The following RFX4 variants were observed in gnomAD, a reference collection of about 807,000 sequenced individuals.
RFX4 encodes transcription factor RFX4.
In RFX4, 10 loss-of-function variants were observed where a neutral mutation model predicts 95.0. The ratio of observed to expected loss-of-function variants is 0.11; its 90% confidence interval spans 0.06 to 0.18. The LOEUF (loss-of-function observed/expected upper bound fraction) is 0.18. Among genes scored for constraint, RFX4 ranks in the 10% least tolerant of loss-of-function variants. RFX4 has a pLI of 1.00. For synonymous variants in RFX4, 321 were observed against 340.7 expected (o/e 0.94, Z 0.64); for missense variants, 640 against 922.0 (o/e 0.69, Z 3.96).
In RFX4 at chr12:106,619,229, C is replaced by A. The variant is rs867626586; in HGVS notation, c.130+10346C>A. ...ATGCTTCCATCTGGAATCATTTTTT[C>A]TTTAACTCAGATAAATTCCTTGCAG... On this transcript the variant is annotated intron_variant, in intron 2 of 17. Coordinates refer to ENST00000392842, the MANE Select transcript of RFX4 (RefSeq NM_213594.3). Among the ~76,000 whole-genome samples the A allele has an allele frequency of 2.6e-5, 4 of 152,224 alleles. No homozygotes were observed. In the South Asian group the frequency reaches 6.2e-4, roughly 24 times the overall value.
At position 106,752,843 on chromosome 12, in the gene RFX4, C is replaced by T. The variant is rs192876391; in HGVS notation, c.1935+2050C>T. On this transcript the variant is annotated intron_variant, in intron 17 of 17. Coordinates refer to ENST00000392842, the MANE Select transcript of RFX4 (RefSeq NM_213594.3). ...CACTTGGCTGCATTTGGGAAACCAC[C>T]GCTGGACACTCTACCTGTCTAACAC... Among the ~76,000 whole-genome samples the T allele has an allele frequency of 1.1e-4, 17 of 152,156 alleles. No individual in the cohort carries two copies. The East Asian group carries it at 2.3e-3, about 21-fold the overall frequency.
At chr12:106,733,803 C>T (rs913906107) in intron 15 of RFX4, among the ~76,000 whole-genome samples, 2 of 152,190 alleles carry the variant, frequency 1.3e-5, no homozygotes, top group Non-Finnish European at 2.9e-5. Context: ...GATTAATTTA[C>T]AACCAAGAAT....
At chr12:106,605,924 C>T (rs2039822319) in intron 1 of RFX4, among the ~76,000 whole-genome samples, 1 of 152,148 alleles carries the variant, frequency 6.6e-6, no homozygotes, top group Non-Finnish European at 1.5e-5. Flanking sequence ...GCACCTCCCA[C>T]CCTCTCCCAC....
intron 8 of RFX4, among the ~76,000 whole-genome samples, chr12:106,703,050 GC>G (rs2042021472): frequency 6.6e-6 from 1 of 152,050 alleles, no homozygotes; most frequent in Admixed American, 6.6e-5. Context: ...GTTCATATTG[GC>G]CCATTAGCAA....
rs138024875 is a variant in RFX4, at chr12:106,753,224, C to T, written c.1935+2431C>T. ...CCTCCCTCCCCGCAGCCATGCCAGCCCACATGTGGTTGTCTTGGATGTGCC... is the reference window on the plus strand; with the variant it reads ...CCTCCCTCCCCGCAGCCATGCCAGCTCACATGTGGTTGTCTTGGATGTGCC... On this transcript the variant is annotated intron_variant, in intron 17 of 17. Transcript: ENST00000392842. Among the ~76,000 whole-genome samples, 19 of 152,272 alleles carry T rather than the reference C, an allele frequency of 1.2e-4. No individual in the cohort carries two copies. In the East Asian group the frequency reaches 3.5e-3, roughly 28 times the overall value.
At chr12:106,683,296 G>A (rs1306754828) in intron 5 of RFX4, 1 of 151,632 alleles carries the variant, frequency 6.6e-6, no homozygotes, top group Non-Finnish European at 1.5e-5. Flanking sequence ...AAAGAAAATG[G>A]ATGATCGAAC....
chr12:106,717,020 A>AAAAAAC (rs2042307753), intron 11 of RFX4, among the ~76,000 whole-genome samples: 1 of 151,694 alleles, frequency 6.6e-6, no homozygotes. Context: ...AAAAAAAAAA[A>AAAAAAC]AAGGAAATAT....
chr12:106,589,486 C>CT (rs1565941640), intron 1 of RFX4, among the ~76,000 whole-genome samples: 1 of 152,164 alleles, frequency 6.6e-6, no homozygotes, highest in Non-Finnish European at 1.5e-5. Flanking sequence ...GTAACAGGCA[C>CT]TTTTTCACAC....
chr12:106,672,894 G>A (rs1436382889), intron 4 of RFX4, among the ~76,000 whole-genome samples: 3 of 152,018 alleles, frequency 2.0e-5, no homozygotes, highest in East Asian at 1.9e-4. Flanking sequence ...TGGGCAGAAT[G>A]TGATGTGATA....
chr12:106,594,957 C>T (rs935511762), intron 1 of RFX4, among the ~76,000 whole-genome samples: 1 of 152,104 alleles, frequency 6.6e-6, no homozygotes, highest in African/African-American at 2.4e-5. Context: ...AGAATCATTT[C>T]CATAATTGAC....
chr12:106,585,252 T>C (rs1287052311), intron 1 of RFX4, among the ~76,000 whole-genome samples: 1 of 152,140 alleles, frequency 6.6e-6, no homozygotes, highest in Non-Finnish European at 1.5e-5. Context: ...GGGAGGACTG[T>C]GGGGCTGTGG....
chr12:106,704,317 T>C lies in RFX4; in HGVS notation c.834-5013T>C, dbSNP rs144695657. Among the ~76,000 whole-genome samples the C allele has an allele frequency of 5.0e-3, 765 of 152,238 alleles. 4 individuals are homozygous for C. Among genetic ancestry groups the C allele is most frequent in the African/African-American group, 0.017 (715 of 41,534 alleles). On this transcript the variant is annotated intron_variant, in intron 8 of 17. Coordinates refer to ENST00000392842, the MANE Select transcript of RFX4 (RefSeq NM_213594.3). ...CTGCCAAAGGAGACTGTTAAAAAAA[T>C]CACGTGGTTACATAATTACTACTGC...
chr12:106,705,021 G>A (rs1173807977), intron 8 of RFX4, among the ~76,000 whole-genome samples: 1 of 152,136 alleles, frequency 6.6e-6, no homozygotes, highest in African/African-American at 2.4e-5. Context: ...AAGTGGAGTA[G>A]GACAGCGGTT....
At chr12:106,591,015 C>G (rs2039532354) in intron 1 of RFX4, among the ~76,000 whole-genome samples, 1 of 151,944 alleles carries the variant, frequency 6.6e-6, no homozygotes, top group South Asian at 2.1e-4. Context: ...AAAAAGAAAG[C>G]TTATCCAAGA....
intron 1 of RFX4, 134 bp from the exon 2 acceptor site, chr12:106,608,663 G>T: frequency 1.2e-6 from 1 of 831,456 alleles, no homozygotes; most frequent in Middle Eastern, 3.6e-4. Context: ...CTGGGCAGAT[G>T]CCACATGAAT....
chr12:106,732,309 C>T (rs2042628277), intron 14 of RFX4, 60 bp downstream of exon 14: 25 of 1,595,922 alleles, frequency 1.6e-5, no homozygotes, highest in African/African-American at 2.7e-5. Flanking sequence ...ATCCTTACTT[C>T]TGTGCTTTAT....
chr12:106,725,817 A>G (rs2042484202), intron 13 of RFX4, among the ~76,000 whole-genome samples: 1 of 152,224 alleles, frequency 6.6e-6, no homozygotes, highest in Admixed American at 6.5e-5. Flanking sequence ...TGATAATCAC[A>G]ATAAAGGAGA....
chr12:106,687,415 G>C (rs777084621), intron 6 of RFX4, among the ~76,000 whole-genome samples: 1 of 151,914 alleles, frequency 6.6e-6, no homozygotes. Context: ...TTAGCCAGGT[G>C]TGGAGGTGGG....
intron 5 of RFX4, 41 bp downstream of exon 5, chr12:106,682,095 T>C (rs2137399893): frequency 6.2e-7 from 1 of 1,605,110 alleles, no homozygotes; most frequent in Non-Finnish European, 8.5e-7. Context: ...AGCGCACATC[T>C]ATGGGCCTCG....
Sources: allele counts gnomAD v4.1 joint callset (sites outside exome capture counted in the v4.1 genomes callset), GRCh38; gene constraint gnomAD v4.1.1; transcripts MANE v1.5; gene names NCBI Gene and HGNC (gene_info 2026-07-23, HGNC 2026-07-21).